DYNC1H1: variants seen among roughly 807,000 people sequenced by gnomAD.
DYNC1H1 encodes dynein cytoplasmic 1 heavy chain 1, also known as cytoplasmic dynein 1 heavy chain 1.
A neutral mutation model predicts 527.1 loss-of-function variants in DYNC1H1; 51 were observed. The observed-to-expected ratio is 0.10, with a 90% CI of 0.08 to 0.12. DYNC1H1 has a LOEUF of 0.12. Among genes scored for constraint, DYNC1H1 ranks in the 10% least tolerant of loss-of-function variants. The probability of loss-of-function intolerance (pLI) is 1.00; values close to 1 mark genes in which losing one functional copy is unlikely to be tolerated. For synonymous variants in DYNC1H1, 2,189 were observed against 2,278.8 expected (o/e 0.96, Z 1.12); for missense variants, 2,771 against 5,971.8 (o/e 0.46, Z 17.66).
rs1039136772 is a variant in DYNC1H1, at chr14:101,965,243, G to A, written c.256+296G>A. On this transcript the variant is annotated intron_variant, in intron 1 of 77. Coordinates refer to ENST00000360184, the MANE Select transcript of DYNC1H1 (RefSeq NM_001376.5). This position sits in a 1 kb window ranked among gnomAD's most constrained non-coding sequence, Gnocchi z 4.1. Reference sequence around the variant, plus strand: ...TCGCGGGGAGGGGAAAGGGGTCCCCGTCTGCCGTCACCCAAAACAATGGGG... The same window carrying A: ...TCGCGGGGAGGGGAAAGGGGTCCCCATCTGCCGTCACCCAAAACAATGGGG... Among the ~76,000 whole-genome samples, 1 of 152,274 alleles carries A rather than the reference G, an allele frequency of 6.6e-6. No homozygotes were observed. Among genetic ancestry groups the A allele is most frequent in the South Asian group, 2.1e-4 (1 of 4,830 alleles).
At chr14:102,030,737 T>C (rs180685720) in intron 51 of DYNC1H1, 1 of 250,220 alleles carries the variant, frequency 4.0e-6, no homozygotes, top group Non-Finnish European at 7.8e-6. Context: ...ATTCCTTACA[T>C]GCCTATAAGA....
In DYNC1H1 at chr14:102,018,347, C is replaced by T. The variant is rs1334108694; in HGVS notation, c.8178-104C>T. 4.0e-6 allele frequency: 6 copies of T among 1,503,306 alleles called. No homozygotes were observed. Among genetic ancestry groups the T allele is most frequent in the African/African-American group, 1.4e-5 (1 of 72,500 alleles). The allele number at this position is 1,503,306 out of a possible 1,614,324, so 93.1% of individuals were successfully genotyped here. On this transcript the variant is annotated intron_variant, in intron 40 of 77. Transcript: ENST00000360184. The surrounding 1 kb of genome is among the most constrained non-coding windows in gnomAD (Gnocchi z 5.2). The stretch of plus-strand genomic sequence containing the variant: ...AAGTCTGCATAGCTGGGTTAGGAAG[C>T]GACCTCCAGACAGGGCCCTGGACAG...
rs751026519 is a variant in DYNC1H1, at chr14:102,010,995, G to A, written c.6618+43G>A. ...ACTGGCCACTGCCCTCACAGACCCT[G>A]CTGGCTTTAGTGTCTGGTAATGACA... On this transcript the variant is annotated intron_variant, in intron 32 of 77. Transcript: ENST00000360184. This position sits in a 1 kb window ranked among gnomAD's most constrained non-coding sequence, Gnocchi z 6.0. 5 of 1,604,360 alleles carry A rather than the reference G, an allele frequency of 3.1e-6. No homozygotes were observed. The African/African-American group carries it at 6.7e-5, about 21-fold the overall frequency.
rs1207334155 is a variant in DYNC1H1, at chr14:101,983,986, T to G, written c.1461+377T>G. 6.6e-6 allele frequency among the ~76,000 whole-genome samples: 1 copy of G among 151,924 alleles called. No individual in the cohort carries two copies. Among genetic ancestry groups the G allele is most frequent in the East Asian group, 1.9e-4 (1 of 5,188 alleles). ...GACAGCATGCCCAGCCTGTTTTTGT[T>G]TGAGACAGTCTCATTCTGTTACCTA... On this transcript the variant is annotated intron_variant, in intron 7 of 77. Coordinates refer to ENST00000360184, the MANE Select transcript of DYNC1H1 (RefSeq NM_001376.5). This position sits in a 1 kb window ranked among gnomAD's most constrained non-coding sequence, Gnocchi z 5.3.
Position 102,038,414 on chromosome 14 carries a change from A to G in DYNC1H1, c.10909-46A>G. Reference sequence around the variant, plus strand: ...GCAACATAGCATTTGGGTGAAGATAAAGTTACAAAGCCCTGACCATCAAGT... The same window carrying G: ...GCAACATAGCATTTGGGTGAAGATAGAGTTACAAAGCCCTGACCATCAAGT... On this transcript the variant is annotated intron_variant, in intron 57 of 77. Coordinates refer to ENST00000360184, the MANE Select transcript of DYNC1H1 (RefSeq NM_001376.5). This position sits in a 1 kb window ranked among gnomAD's most constrained non-coding sequence, Gnocchi z 7.2. 1 of 1,611,390 alleles carries G rather than the reference A, an allele frequency of 6.2e-7. No individual in the cohort carries two copies. Among genetic ancestry groups the G allele is most frequent in the Non-Finnish European group, 8.5e-7 (1 of 1,179,898 alleles).
Position 102,044,088 on chromosome 14 carries a change from G to A in DYNC1H1, c.12684+43G>A. On this transcript the variant is annotated intron_variant, in intron 70 of 77. Coordinates refer to ENST00000360184, the MANE Select transcript of DYNC1H1 (RefSeq NM_001376.5). This position sits in a 1 kb window ranked among gnomAD's most constrained non-coding sequence, Gnocchi z 7.1. ...CAGGACAGACAGTGGACGTGTATCTGGGAAGGATGCTGCAGGGCGTGGTGC... is the reference window on the plus strand; with the variant it reads ...CAGGACAGACAGTGGACGTGTATCTAGGAAGGATGCTGCAGGGCGTGGTGC... 1 of 1,609,898 alleles carries A rather than the reference G, an allele frequency of 6.2e-7. No individual in the cohort carries two copies. Among genetic ancestry groups the A allele is most frequent in the Non-Finnish European group, 8.5e-7 (1 of 1,179,574 alleles).
rs374230302 is a variant in DYNC1H1, at chr14:102,044,414, C to T, written c.12825C>T (p.Thr4275=). ...CCTTCCTGGAGCGCCTGTTCACAAC[C>T]AGGAGTTTCGACAGTGAGTTTAAGC... is the stretch of plus-strand genomic sequence containing the variant. ...LNTFLERLFT[T]RSFDSEFKLA... is the part of the protein sequence containing the mutation. Residue 4275 remains threonine, a synonymous_variant, in exon 71 of 78, where the codon ACC becomes ACT. Coordinates refer to ENST00000360184, the MANE Select transcript of DYNC1H1 (RefSeq NM_001376.5). This position sits in a 1 kb window ranked among gnomAD's most constrained non-coding sequence, Gnocchi z 7.1. 3.7e-6 allele frequency: 6 copies of T among 1,614,094 alleles called. No homozygotes were observed. In the African/African-American group the frequency reaches 6.7e-5, roughly 18 times the overall value.
At chr14:102,047,075 G>A (rs533794210) in intron 72 of DYNC1H1, among the ~76,000 whole-genome samples, 24 of 141,088 alleles carry the variant, frequency 1.7e-4, no homozygotes, top group African/African-American at 6.3e-4. Flanking sequence ...GACTGTGGGC[G>A]TGAGCCACTG....
At chr14:102,028,563 GTTA>G (rs2152589593) in intron 48 of DYNC1H1, 1 of 261,606 alleles carries the variant, frequency 3.8e-6, no homozygotes, top group Admixed American at 5.0e-5. Context: ...ACATTGTACT[GTTA>G]TTTGTAAAGG....
chr14:101,996,862 A>G (rs1178700138), intron 15 of DYNC1H1, among the ~76,000 whole-genome samples, 173 bp from the exon 16 acceptor site: 1 of 152,020 alleles, frequency 6.6e-6, no homozygotes, highest in African/African-American at 2.4e-5. Flanking sequence ...GACTCAAGTA[A>G]TCCACCTGCC....
chr14:101,985,704 A>G lies in DYNC1H1; in HGVS notation c.1479A>G (p.Gln493=), dbSNP rs761306770. 1.1e-5 allele frequency: 17 copies of G among 1,614,092 alleles called. No individual in the cohort carries two copies. In the Admixed American group the frequency reaches 2.0e-4, roughly 19 times the overall value. Reference sequence around the variant, plus strand: ...TCCTTTAGGTCACGGCAGTTGCACAACAGAATCAAGGAGAGGTCCCTGAAC... The same window carrying G: ...TCCTTTAGGTCACGGCAGTTGCACAGCAGAATCAAGGAGAGGTCCCTGAAC... ...VLRPQVTAVA[Q]QNQGEVPEPQ... The change falls in exon 8 of 78, where the codon CAA becomes CAG. Residue 493 remains glutamine (Q), a synonymous_variant. Coordinates refer to ENST00000360184, the MANE Select transcript of DYNC1H1 (RefSeq NM_001376.5). This position sits in a 1 kb window ranked among gnomAD's most constrained non-coding sequence, Gnocchi z 5.9.
chr14:102,024,406 G>A (rs1005208671), intron 43 of DYNC1H1, among the ~76,000 whole-genome samples: 1 of 152,216 alleles, frequency 6.6e-6, no homozygotes, highest in African/African-American at 2.4e-5. Flanking sequence ...GAGCAGGACA[G>A]AGGGAGATAA....
chr14:101,985,836 T>A lies in DYNC1H1; in HGVS notation c.1611T>A (p.Asp537Glu). 1 of 1,614,148 alleles carries A rather than the reference T, an allele frequency of 6.2e-7. No individual in the cohort carries two copies. The highest frequency in any genetic ancestry group is 8.5e-7 in the Non-Finnish European group (1 of 1,180,032). Residue 537 changes from aspartate (D) to glutamate (E), a missense_variant, in exon 8 of 78, where the codon GAT becomes GAA. Around this residue, in one of 32 missense-constraint regions of DYNC1H1, gnomAD observed 264 missense variants for 619.4 expected, o/e 0.43. Transcript: ENST00000360184. The surrounding 1 kb of genome is among the most constrained non-coding windows in gnomAD (Gnocchi z 5.9). ...ACGTCAAGGAAGTGGATGGACTGGATGTTTCCAAAGAGGGCACGGAAGCCT... is the reference window on the plus strand; with the variant it reads ...ACGTCAAGGAAGTGGATGGACTGGAAGTTTCCAAAGAGGGCACGGAAGCCT... ...YENVKEVDGL[D>E]VSKEGTEAWE...
intron 1 of DYNC1H1, among the ~76,000 whole-genome samples, chr14:101,972,944 A>G (rs564646434): frequency 5.2e-4 from 79 of 152,280 alleles, no homozygotes; most frequent in Non-Finnish European, 7.4e-4. Flanking sequence ...TTTATTCTCT[A>G]TGCTTACATT....
At chr14:102,043,005 G>C in intron 69 of DYNC1H1, 1 of 508,456 alleles carries the variant, frequency 2.0e-6, no homozygotes, top group Admixed American at 2.9e-5. Flanking sequence ...GGGCAGGCCA[G>C]GAGTGGTGGC....
Position 102,027,355 on chromosome 14 carries a change from T to C in DYNC1H1, c.8887-28T>C. On this transcript the variant is annotated intron_variant, in intron 45 of 77. Transcript: ENST00000360184. The surrounding 1 kb of genome is among the most constrained non-coding windows in gnomAD (Gnocchi z 7.7). ...GTGTGCAGAGCTCAGTGAGTAGGAA[T>C]GGACCTAACTTGCCTCTGCTTCTGT... 17 of 1,614,144 alleles carry C rather than the reference T, an allele frequency of 1.1e-5. No homozygotes were observed. The highest frequency in any genetic ancestry group is 1.4e-5 in the Non-Finnish European group (17 of 1,180,020).
At chr14:102,026,449 A>T in intron 43 of DYNC1H1, 125 bp from the exon 44 acceptor site, 2 of 1,093,432 alleles carry the variant, frequency 1.8e-6, no homozygotes, top group Admixed American at 4.6e-5. Context: ...TTGCTATGTT[A>T]TAAATGATAC....
In DYNC1H1 at chr14:102,034,161, C is replaced by T. The variant is rs1471861110; in HGVS notation, c.10599C>T (p.Ser3533=). Residue 3533 remains serine, a synonymous_variant, in exon 55 of 78, where the codon TCC becomes TCT. Transcript: ENST00000360184. ...GTCAGAACTTGTTCACTACCTGGTC[C>T]CATCACCTACAGCAAGCCAACATCC... ...QMRQNLFTTW[S]HHLQQANIQF... 2.5e-6 allele frequency: 4 copies of T among 1,614,040 alleles called. No homozygotes were observed. Among genetic ancestry groups the T allele is most frequent in the Admixed American group, 3.3e-5 (2 of 59,990 alleles).
intron 41 of DYNC1H1, among the ~76,000 whole-genome samples, chr14:102,019,662 C>T (rs1044824145): frequency 9.2e-5 from 14 of 152,278 alleles, no homozygotes; most frequent in Non-Finnish European, 1.9e-4. Context: ...AATGCAGTGG[C>T]GCAGTCTCGG....
Sources: allele counts gnomAD v4.1 joint callset (sites outside exome capture counted in the v4.1 genomes callset), GRCh38; gene constraint gnomAD v4.1.1; regional missense constraint gnomAD v4.1.1; non-coding constraint Gnocchi (gnomAD v3.1); transcripts MANE v1.5; gene names NCBI Gene and HGNC (gene_info 2026-07-23, HGNC 2026-07-21).